SENP7: variants seen among roughly 807,000 people sequenced by gnomAD.
SENP7 encodes the protein SUMO specific peptidase 7, also known as sentrin-specific protease 7.
A neutral mutation model predicts 141.2 loss-of-function variants in SENP7; 64 were observed. That is an observed-to-expected ratio of 0.45 (90% CI 0.37 to 0.56). SENP7 has a LOEUF of 0.56. Ranked by LOEUF, SENP7 falls within the 20% of genes least tolerant of loss-of-function variation. The pLI, the probability that SENP7 is intolerant of heterozygous loss-of-function variation, is 0.00. For synonymous variants in SENP7, 382 were observed against 426.4 expected, an observed-to-expected ratio of 0.90 and a Z score of 1.28; for missense variants, 1,025 against 1,212.2, an observed-to-expected ratio of 0.85 and a Z score of 2.29.
At chr3:101,507,805 C>T (rs1221242427) in intron 1 of SENP7, among the ~76,000 whole-genome samples, 55 of 152,068 alleles carry the variant, frequency 3.6e-4, no homozygotes, top group Non-Finnish European at 8.8e-5. Context: ...AATCACAGCA[C>T]TTTGGGAGGC....
chr3:101,429,136 C>A (rs1487702912), intron 4 of SENP7, among the ~76,000 whole-genome samples: 1 of 152,160 alleles, frequency 6.6e-6, no homozygotes, highest in Admixed American at 6.5e-5. Context: ...ATGCCTCCAG[C>A]TTTGTTCTTT....
At chr3:101,423,467 G>A (rs772231713) in intron 4 of SENP7, among the ~76,000 whole-genome samples, 20 of 152,036 alleles carry the variant, frequency 1.3e-4, no homozygotes, top group Non-Finnish European at 2.2e-4. Flanking sequence ...AATATAATAC[G>A]GCACAATCAC....
intron 4 of SENP7, among the ~76,000 whole-genome samples, chr3:101,425,616 C>G (rs1430778201): frequency 6.6e-6 from 1 of 152,148 alleles, no homozygotes; most frequent in South Asian, 2.1e-4. Context: ...TTCTTTCTTC[C>G]AAAGAACCGA....
At chr3:101,432,945 T>A (rs777636430) in intron 4 of SENP7, among the ~76,000 whole-genome samples, 3 of 151,990 alleles carry the variant, frequency 2.0e-5, no homozygotes, top group African/African-American at 7.2e-5. Context: ...AATAAGTACA[T>A]AGAAAAAGAA....
intron 3 of SENP7, among the ~76,000 whole-genome samples, chr3:101,487,228 A>C (rs2064766684): frequency 1.3e-5 from 2 of 152,188 alleles, no homozygotes; most frequent in Admixed American, 1.3e-4. Context: ...GAAAGTCAAA[A>C]AAGACACAAT....
At position 101,459,196 on chromosome 3, in the gene SENP7, TA is replaced by T. The variant is rs1205416339; in HGVS notation, c.187-145del. 8.5e-5 allele frequency: 38 copies of T among 447,314 alleles called. No individual in the cohort carries two copies. The South Asian group carries it at 1.6e-3, about 18-fold the overall frequency. The allele number at this position is 447,314 out of a possible 1,614,324, so 27.7% of individuals were successfully genotyped here. ...AAAATAATAAGTGCAATCTATGGAA[TA>T]TCTGGCTCTTTTACTAATGCATAAA... On this transcript the variant is annotated intron_variant, in intron 3 of 23. Coordinates refer to ENST00000394095, the MANE Select transcript of SENP7 (RefSeq NM_020654.5).
intron 12 of SENP7, among the ~76,000 whole-genome samples, chr3:101,350,489 T>G (rs1219634307): frequency 4.6e-5 from 7 of 152,100 alleles, no homozygotes; most frequent in Non-Finnish European, 8.8e-5. Flanking sequence ...GACTAATATT[T>G]TCTTCTTTCA....
intron 6 of SENP7, 101 bp downstream of exon 6, chr3:101,398,760 A>G: frequency 1.1e-6 from 1 of 903,682 alleles, no homozygotes. Context: ...ATCAGAGCAC[A>G]TTTACCTCAC....
intron 4 of SENP7, among the ~76,000 whole-genome samples, chr3:101,444,880 C>A (rs10936623): frequency 0.4 from 60,006 of 151,104 alleles, 12,416 homozygotes; most frequent in Admixed American, 0.54. Context: ...TACCCTAAAA[C>A]TTAAAGTATA....
intron 4 of SENP7, among the ~76,000 whole-genome samples, chr3:101,452,820 C>T (rs1248494222): frequency 5.9e-5 from 9 of 152,100 alleles, no homozygotes; most frequent in African/African-American, 1.9e-4. Context: ...GACTTCATGT[C>T]GAAAACACCA....
intron 6 of SENP7, among the ~76,000 whole-genome samples, chr3:101,384,889 A>G (rs1459575869): frequency 6.6e-6 from 1 of 152,210 alleles, no homozygotes; most frequent in South Asian, 2.1e-4. Context: ...CTTCCTGTAC[A>G]GTCTGTAGAA....
intron 11 of SENP7, among the ~76,000 whole-genome samples, chr3:101,359,679 G>C (rs185031446): frequency 6.6e-6 from 1 of 151,724 alleles, no homozygotes; most frequent in Non-Finnish European, 1.5e-5. Context: ...TTAAATTAAT[G>C]AAATTATGGT....
At chr3:101,397,312 T>C (rs1163677981) in intron 6 of SENP7, among the ~76,000 whole-genome samples, 3 of 152,036 alleles carry the variant, frequency 2.0e-5, no homozygotes, top group Non-Finnish European at 4.4e-5. Context: ...TTTTCATTTT[T>C]AGCAGAAACA....
chr3:101,513,046 C>CG, intron 1 of SENP7, 45 bp downstream of exon 1: 1 of 1,604,306 alleles, frequency 6.2e-7, no homozygotes, highest in Non-Finnish European at 8.5e-7. Context: ...CCGTTTCCCC[C>CG]GGGTAGGAGA....
chr3:101,441,503 G>C (rs2062672132), intron 4 of SENP7, among the ~76,000 whole-genome samples: 1 of 152,078 alleles, frequency 6.6e-6, no homozygotes, highest in South Asian at 2.1e-4. Flanking sequence ...CATACACACT[G>C]TCAAGGGGCC....
chr3:101,396,037 C>G (rs1374799110), intron 6 of SENP7, among the ~76,000 whole-genome samples: 1 of 152,138 alleles, frequency 6.6e-6, no homozygotes, highest in Non-Finnish European at 1.5e-5. Context: ...AGAAACCTGT[C>G]CAAGGTAAGT....
intron 4 of SENP7, among the ~76,000 whole-genome samples, chr3:101,448,981 A>C (rs930096818): frequency 3.3e-5 from 5 of 152,216 alleles, no homozygotes; most frequent in Non-Finnish European, 4.4e-5. Context: ...ACCTTGAAAA[A>C]AAATTAGACG....
At chr3:101,332,165 ATATTC>A in intron 18 of SENP7, 56 bp from the exon 19 acceptor site, 1 of 1,531,130 alleles carries the variant, frequency 6.5e-7, no homozygotes, top group Non-Finnish European at 8.9e-7. Flanking sequence ...AACATATAAT[ATATTC>A]TAGAGATACA....
intron 4 of SENP7, among the ~76,000 whole-genome samples, chr3:101,426,076 G>C (rs2061948373): frequency 6.6e-6 from 1 of 152,162 alleles, no homozygotes; most frequent in Non-Finnish European, 1.5e-5. Flanking sequence ...AACCAACATG[G>C]AAAACATATT....
Sources: allele counts gnomAD v4.1 joint callset (sites outside exome capture counted in the v4.1 genomes callset), GRCh38; gene constraint gnomAD v4.1.1; transcripts MANE v1.5; gene names NCBI Gene and HGNC (gene_info 2026-07-23, HGNC 2026-07-21).